The following PIK3R4 variants were observed in gnomAD, a reference collection of about 807,000 sequenced individuals.
The protein encoded by PIK3R4 is phosphoinositide 3-kinase regulatory subunit 4.
In PIK3R4, 46 loss-of-function variants were observed where a neutral mutation model predicts 136.5. The observed-to-expected ratio is 0.34, with a 90% CI of 0.27 to 0.43. PIK3R4 has a LOEUF of 0.43. Ranked by LOEUF, PIK3R4 falls within the 20% of genes least tolerant of loss-of-function variation. The probability of loss-of-function intolerance (pLI) is 1.00; values close to 1 mark genes in which losing one functional copy is unlikely to be tolerated. For synonymous variants in PIK3R4, 557 were observed against 566.7 expected (o/e 0.98, Z 0.24); for missense variants, 1,331 against 1,649.5 (o/e 0.81, Z 3.35).
intron 7 of PIK3R4, among the ~76,000 whole-genome samples, chr3:130,722,900 C>CAAAA (rs758224745): frequency 8.7e-6 from 1 of 114,772 alleles, no homozygotes; most frequent in Non-Finnish European, 1.9e-5. Flanking sequence ...ACTAAAAATA[C>CAAAA]AAAAAAAAAA....
chr3:130,708,198 G>A, intron 10 of PIK3R4, 93 bp downstream of exon 10: 1 of 994,248 alleles, frequency 1.0e-6, no homozygotes. Flanking sequence ...TCTGTGAAAT[G>A]GGGCTTTTTA....
intron 3 of PIK3R4, among the ~76,000 whole-genome samples, chr3:130,735,417 T>G (rs2066780842): frequency 6.6e-6 from 1 of 152,210 alleles, no homozygotes; most frequent in Non-Finnish European, 1.5e-5. Flanking sequence ...TTTCCAGAAC[T>G]GCCCTCAGCT....
At chr3:130,681,731 T>C in intron 16 of PIK3R4, 140 bp from the exon 17 acceptor site, 3 of 572,258 alleles carry the variant, frequency 5.2e-6, no homozygotes, top group Non-Finnish European at 9.5e-6. Flanking sequence ...AATATTCACT[T>C]AATAATATTT....
rs2066490183 is a variant in PIK3R4 at position 130,686,329 on chromosome 3, G to C, written c.3357C>G (p.Gly1119=). 1 of 1,612,982 alleles carries C rather than the reference G, an allele frequency of 6.2e-7. No homozygotes were observed. The highest frequency in any genetic ancestry group is 1.3e-5 in the African/African-American group (1 of 74,886). ...QSVLAYATVN[G]SLVGWDLRSS... ...ACCTAAGGTCCCAGCCAACCAGAGA[G>C]CCATTCACAGTGGCATAGGCAAGAA... Residue 1119 remains glycine (G), a synonymous_variant, in exon 15 of 20, where the codon GGC becomes GGG. Coordinates refer to ENST00000356763, the MANE Select transcript of PIK3R4 (RefSeq NM_014602.3).
rs2066754708 is a variant in PIK3R4 at position 130,730,347 on chromosome 3, T to C, written c.1546A>G (p.Ile516Val). The change falls in exon 5 of 20, where the codon ATA (isoleucine) becomes GTA (valine). Residue 516 changes from isoleucine to valine, a missense_variant. Physicochemically the swap from Ile to Val is conservative, Grantham distance 29 (BLOSUM62 3). This residue lies in a region of PIK3R4 where 1,180 missense variants were observed against 1,407.0 expected (regional missense o/e 0.84). Coordinates refer to ENST00000356763, the MANE Select transcript of PIK3R4 (RefSeq NM_014602.3). ...CCATTTGGATGTGTAACCTCATCTATTTCTTCATTATTGGGGTCATTTTCC... is the reference window on the plus strand; with the variant it reads ...CCATTTGGATGTGTAACCTCATCTACTTCTTCATTATTGGGGTCATTTTCC... ...NMENDPNNEE[I>V]DEVTHPNGNY... 2 of 1,600,186 alleles carry C rather than the reference T, an allele frequency of 1.2e-6. No homozygotes were observed. Among genetic ancestry groups the C allele is most frequent in the African/African-American group, 1.3e-5 (1 of 74,204 alleles).
At chr3:130,725,777 G>A (rs1196352269) in intron 6 of PIK3R4, 2 of 151,906 alleles carry the variant, frequency 1.3e-5, no homozygotes, top group Non-Finnish European at 2.9e-5. Context: ...AAAAAAATAA[G>A]CCAAAATAAT....
At chr3:130,695,002 G>T (rs1407266114) in intron 13 of PIK3R4, among the ~76,000 whole-genome samples, 1 of 152,106 alleles carries the variant, frequency 6.6e-6, no homozygotes, top group Non-Finnish European at 1.5e-5. Flanking sequence ...ACTGGACTTT[G>T]TCAAATACTT....
intron 9 of PIK3R4, among the ~76,000 whole-genome samples, chr3:130,709,546 T>G (rs1249975054): frequency 6.6e-6 from 1 of 152,128 alleles, no homozygotes; most frequent in Non-Finnish European, 1.5e-5. Context: ...TAAATCCCAG[T>G]GTTAACTTGC....
At chr3:130,741,486 A>T (rs1248355648) in intron 2 of PIK3R4, among the ~76,000 whole-genome samples, 1 of 152,166 alleles carries the variant, frequency 6.6e-6, no homozygotes, top group Non-Finnish European at 1.5e-5. Context: ...CAAAACTTTT[A>T]CGATTTTATT....
intron 11 of PIK3R4, among the ~76,000 whole-genome samples, chr3:130,706,021 A>C (rs1398503675): frequency 6.6e-6 from 1 of 152,232 alleles, no homozygotes; most frequent in African/African-American, 2.4e-5. Flanking sequence ...ACTGATCAGC[A>C]TGAAAATAAC....
chr3:130,703,218 C>A (rs1359075590), intron 13 of PIK3R4, among the ~76,000 whole-genome samples: 6 of 152,186 alleles, frequency 3.9e-5, no homozygotes, highest in Non-Finnish European at 8.8e-5. Context: ...ATCTAACTGG[C>A]CCCTCTTACT....
intron 13 of PIK3R4, among the ~76,000 whole-genome samples, chr3:130,699,177 C>T (rs752193683): frequency 1.3e-5 from 2 of 152,202 alleles, no homozygotes; most frequent in Non-Finnish European, 2.9e-5. Flanking sequence ...TTACCCAGTT[C>T]TTCCTTTTAA....
At chr3:130,725,962 G>A (rs1334526614) in intron 6 of PIK3R4, 1 of 152,012 alleles carries the variant, frequency 6.6e-6, no homozygotes, top group Non-Finnish European at 1.5e-5. Context: ...AGCACTTAAC[G>A]GAGATGGGGA....
At chr3:130,712,722 C>T (rs150647345) in intron 9 of PIK3R4, among the ~76,000 whole-genome samples, 1 of 152,038 alleles carries the variant, frequency 6.6e-6, no homozygotes, top group East Asian at 1.9e-4. Flanking sequence ...CCAAAGCCTC[C>T]CCTGGATCCA....
At chr3:130,700,513 A>G (rs1485320382) in intron 13 of PIK3R4, among the ~76,000 whole-genome samples, 2 of 152,230 alleles carry the variant, frequency 1.3e-5, no homozygotes, top group Admixed American at 6.5e-5. Context: ...AAAAACAGCA[A>G]TTTTTCAAGA....
intron 1 of PIK3R4, among the ~76,000 whole-genome samples, 166 bp from the exon 2 acceptor site, chr3:130,745,430 C>T (rs901029544): frequency 1.3e-5 from 2 of 152,162 alleles, no homozygotes; most frequent in African/African-American, 2.4e-5. Flanking sequence ...ATTTCACACA[C>T]ATTTATCTAA....
chr3:130,693,508 T>C (rs1234440562), intron 13 of PIK3R4, among the ~76,000 whole-genome samples: 1 of 151,272 alleles, frequency 6.6e-6, no homozygotes, highest in Non-Finnish European at 1.5e-5. Context: ...TGTGAAGGAG[T>C]ATCTCACTGT....
chr3:130,687,393 C>G (rs2066495913), intron 14 of PIK3R4, among the ~76,000 whole-genome samples: 1 of 152,140 alleles, frequency 6.6e-6, no homozygotes, highest in Non-Finnish European at 1.5e-5. Flanking sequence ...GTGAATTAAG[C>G]TGGTGTCTGC....
intron 12 of PIK3R4, among the ~76,000 whole-genome samples, chr3:130,704,373 C>T (rs538210977): frequency 2.6e-5 from 4 of 152,248 alleles, no homozygotes; most frequent in African/African-American, 4.8e-5. Flanking sequence ...ACCGTTTGAA[C>T]ATTAAACAAT....
Sources: gnomAD v4.1 joint callset for allele counts (sites outside exome capture counted in the v4.1 genomes callset) on GRCh38, gnomAD v4.1.1 for gene constraint, gnomAD v4.1.1 regional missense constraint, MANE v1.5 for transcripts, NCBI Gene and HGNC (gene_info 2026-07-23, HGNC 2026-07-21) for gene names.